The following NEAT1 variants were observed in gnomAD, a reference collection of about 807,000 sequenced individuals.
The protein encoded by NEAT1 is MENepsilon/beta.
exon 1 of NEAT1, chr11:65,432,640 A>T (rs1235039934): frequency 6.7e-6 from 1 of 150,172 alleles, no homozygotes. Context: ...GTCAATATTA[A>T]CTTCTTATAA....
At chr11:65,424,056 AG>A (rs1229575169) in exon 1 of NEAT1, 1 of 152,422 alleles carries the variant, frequency 6.6e-6, no homozygotes, top group East Asian at 1.9e-4. Context: ...TGGAGGAGAG[AG>A]CCCGCCTCAA....
exon 1 of NEAT1, chr11:65,426,899 T>A (rs899601983): frequency 6.6e-6 from 1 of 152,174 alleles, no homozygotes; most frequent in Non-Finnish European, 1.5e-5. Context: ...AAAGCCTGAA[T>A]AAAAACAGAA....
exon 1 of NEAT1, chr11:65,439,139 A>G (rs1181630219): frequency 7.2e-5 from 11 of 152,206 alleles, no homozygotes; most frequent in Admixed American, 7.2e-4. Context: ...GAGTGATGCT[A>G]TCAAGCACCT....
At chr11:65,423,323 G>T (rs1856520040) in exon 1 of NEAT1, 1 of 152,390 alleles carries the variant, frequency 6.6e-6, no homozygotes, top group Admixed American at 6.5e-5. Context: ...GCCTGGGGAT[G>T]AGGCCTGGTC....
At chr11:65,423,772 GTGGCTGT>G (rs981409261) in exon 1 of NEAT1, 11 of 152,186 alleles carry the variant, frequency 7.2e-5, no homozygotes, top group Admixed American at 7.2e-4. Context: ...AGTAAGCCGA[GTGGCTGT>G]TGGAGTCGGT....
At chr11:65,433,187 C>T (rs1856628230) in exon 1 of NEAT1, 1 of 152,012 alleles carries the variant, frequency 6.6e-6, no homozygotes, top group Non-Finnish European at 1.5e-5. Flanking sequence ...ACTTCTTTTC[C>T]TTTGGGTAGA....
exon 1 of NEAT1, chr11:65,427,590 T>C (rs1856574334): frequency 1.3e-5 from 2 of 152,168 alleles, no homozygotes; most frequent in African/African-American, 4.8e-5. Context: ...AAACCTTCTG[T>C]CTGTGCTCAT....
chr11:65,426,509 G>C (rs1244870854), exon 1 of NEAT1: 1 of 152,182 alleles, frequency 6.6e-6, no homozygotes, highest in Non-Finnish European at 1.5e-5. Context: ...CACAAATAAA[G>C]TTTGAGTTCT....
At chr11:65,444,510 A>T (rs772678689) in exon 1 of NEAT1, 106 of 491,718 alleles carry the variant, frequency 2.2e-4, no homozygotes, top group African/African-American at 2.0e-3. Flanking sequence ...CACTAGCAGG[A>T]GGGGCTCCAG....
chr11:65,438,940 A>T (rs1856689912), exon 1 of NEAT1: 1 of 152,178 alleles, frequency 6.6e-6, no homozygotes, highest in South Asian at 2.1e-4. Flanking sequence ...TGGTAACTGT[A>T]TATTTTTGAG....
chr11:65,428,395 T>G (rs1565630272), exon 1 of NEAT1: 1 of 152,128 alleles, frequency 6.6e-6, no homozygotes, highest in African/African-American at 2.4e-5. Flanking sequence ...CCTTGGTGCA[T>G]CTGACTGACT....
At chr11:65,423,801 T>C (rs1856528735) in exon 1 of NEAT1, 1 of 152,026 alleles carries the variant, frequency 6.6e-6, no homozygotes, top group South Asian at 2.1e-4. Context: ...TTGTTGGTAA[T>C]GGTGGAGGAA....
At chr11:65,430,843 T>C (rs1856608328) in exon 1 of NEAT1, 1 of 152,220 alleles carries the variant, frequency 6.6e-6, no homozygotes, top group Non-Finnish European at 1.5e-5. Context: ...GCCACTAACA[T>C]CAGGTTTTTA....
At chr11:65,423,516 C>A (rs1476050788) in exon 1 of NEAT1, 1 of 152,186 alleles carries the variant, frequency 6.6e-6, no homozygotes, top group Admixed American at 6.5e-5. Context: ...GGAGTTAAGG[C>A]GCCATCCTCA....
exon 1 of NEAT1, chr11:65,424,073 G>T: frequency 6.6e-6 from 1 of 152,504 alleles, no homozygotes. Flanking sequence ...CTCAATTGAT[G>T]CCTGCAGATT....
At chr11:65,431,742 A>G (rs957651761) in exon 1 of NEAT1, 1 of 152,162 alleles carries the variant, frequency 6.6e-6, no homozygotes, top group Non-Finnish European at 1.5e-5. Context: ...TCCTTTGACT[A>G]TTTTAAAAAT....
At chr11:65,429,133 C>T (rs1040607663) in exon 1 of NEAT1, 10 of 151,706 alleles carry the variant, frequency 6.6e-5, no homozygotes, top group African/African-American at 2.4e-4. Flanking sequence ...TTTTTTTCCT[C>T]TTAGAAAATA....
exon 1 of NEAT1, chr11:65,424,073 G>C (rs1223920771): frequency 6.6e-6 from 1 of 152,386 alleles, no homozygotes; most frequent in Admixed American, 6.5e-5. Context: ...CTCAATTGAT[G>C]CCTGCAGATT....
At chr11:65,431,577 T>C (rs900943897) in exon 1 of NEAT1, 1 of 152,214 alleles carries the variant, frequency 6.6e-6, no homozygotes, top group Non-Finnish European at 1.5e-5. Context: ...CTTGTTATTT[T>C]CTGCTTTTTT....
Sources: gnomAD v4.1 joint callset for allele counts on GRCh38, gnomAD v4.1.1 for gene constraint, MANE v1.5 for transcripts, NCBI Gene and HGNC (gene_info 2026-07-23, HGNC 2026-07-21) for gene names.